The following GAB1 variants were observed in gnomAD, a reference collection of about 807,000 sequenced individuals.
GAB1 encodes the protein GRB2-associated-binding protein 1.
In GAB1, 19 loss-of-function variants were observed where a neutral mutation model predicts 66.5. That is an observed-to-expected ratio of 0.29 (90% CI 0.20 to 0.42). The LOEUF is 0.42. Among genes scored for constraint, GAB1 ranks in the 10% least tolerant of loss-of-function variants. The probability of loss-of-function intolerance (pLI) is 1.00; values close to 1 mark genes in which losing one functional copy is unlikely to be tolerated. For synonymous variants in GAB1, 294 were observed against 301.4 expected (o/e 0.98, Z 0.25); for missense variants, 732 against 858.5 (o/e 0.85, Z 1.84).
chr4:143,347,648 A>C (rs76751725), intron 1 of GAB1, among the ~76,000 whole-genome samples: 161 of 152,354 alleles, frequency 1.1e-3, no homozygotes, highest in African/African-American at 3.7e-3. Flanking sequence ...CACCTTTGAG[A>C]GCTGTGTGCT....
At position 143,336,938 on chromosome 4, in the gene GAB1, G is replaced by C. The variant is rs1408334600; in HGVS notation, c.-251G>C. The C allele has an allele frequency of 1.9e-5, 9 of 475,742 alleles. No homozygotes were observed. The highest frequency in any genetic ancestry group is 3.3e-5 in the Non-Finnish European group (9 of 268,816). The allele number at this position is 475,742 out of a possible 1,614,324, so 29.5% of individuals were successfully genotyped here. On this transcript the variant is annotated 5_prime_UTR_variant, in exon 1 of 10. Transcript: ENST00000262994. ...GCGAGACGGCACGTCTGGAGGCGAG[G>C]CGGGCGCACTGAAAGGAGGCCGGCG...
chr4:143,434,107 T>C (rs963469829), intron 3 of GAB1: 27 of 1,293,950 alleles, frequency 2.1e-5, no homozygotes, highest in Middle Eastern at 2.1e-4. Context: ...ATCTTTTGTT[T>C]CTGAAGAAGG....
At chr4:143,364,833 A>G (rs1175463695) in intron 1 of GAB1, among the ~76,000 whole-genome samples, 1 of 148,516 alleles carries the variant, frequency 6.7e-6, no homozygotes, top group Non-Finnish European at 1.5e-5. Flanking sequence ...GAGTAGAAGC[A>G]GGGGAGACAA....
At chr4:143,453,765 C>T (rs1735046589) in intron 6 of GAB1, among the ~76,000 whole-genome samples, 1 of 152,150 alleles carries the variant, frequency 6.6e-6, no homozygotes, top group African/African-American at 2.4e-5. Flanking sequence ...TCTAGATTCA[C>T]AGAATTTAAA....
At chr4:143,347,697 A>G (rs1019717686) in intron 1 of GAB1, among the ~76,000 whole-genome samples, 11 of 152,246 alleles carry the variant, frequency 7.2e-5, no homozygotes, top group Admixed American at 2.6e-4. Flanking sequence ...TACAAATTAC[A>G]TCATGATCAG....
At chr4:143,468,256 C>T (rs1263927552) in intron 9 of GAB1, among the ~76,000 whole-genome samples, 1 of 142,164 alleles carries the variant, frequency 7.0e-6, no homozygotes, top group Non-Finnish European at 1.5e-5. Flanking sequence ...GCTCTGTTGC[C>T]CAGGCTGCAG....
intron 1 of GAB1, among the ~76,000 whole-genome samples, chr4:143,358,131 C>T (rs1272917624): frequency 2.0e-5 from 3 of 152,068 alleles, no homozygotes; most frequent in Non-Finnish European, 2.9e-5. Flanking sequence ...GTTGTGTGTA[C>T]GTGTGTGTAT....
At position 143,438,465 on chromosome 4, in the gene GAB1, C is replaced by T. The variant is rs1230040130; in HGVS notation, c.1060C>T (p.Arg354Ter). The T allele has an allele frequency of 1.9e-6, 3 of 1,613,920 alleles. No homozygotes were observed. The highest frequency in any genetic ancestry group is 2.5e-6 in the Non-Finnish European group (3 of 1,180,000). The part of the protein sequence containing the change: ...RPPKPHPAHD[R>*]SPVETCSIPR... ...ACCGAAACCACATCCAGCTCATGACCGATCTCCTGTGGAAACGTGTAGTAT... is the reference window on the plus strand; with the variant it reads ...ACCGAAACCACATCCAGCTCATGACTGATCTCCTGTGGAAACGTGTAGTAT... The change falls in exon 4 of 10, where the codon CGA (arginine) becomes TGA (stop). Residue 354 changes from arginine (R) to a stop codon, truncating the protein, a stop_gained. Coordinates refer to ENST00000262994, the MANE Select transcript of GAB1 (RefSeq NM_002039.4). LOFTEE classifies it high-confidence loss of function.
At chr4:143,425,363 T>C in intron 2 of GAB1, 2 of 762,122 alleles carry the variant, frequency 2.6e-6, no homozygotes, top group Non-Finnish European at 2.4e-6. Context: ...ACTTCACTCC[T>C]GGAACCTTCA....
In GAB1 at chr4:143,471,611, C is replaced by A. The variant is rs2149805541; in HGVS notation, c.*2422C>A. On this transcript the variant is annotated 3_prime_UTR_variant, in exon 10 of 10. Transcript: ENST00000262994. Reference sequence around the variant, plus strand: ...GTGGAGTTATACATAGTTGATGAAACCAGCAGCCAATTTATAGCTATGCCC... The same window carrying A: ...GTGGAGTTATACATAGTTGATGAAAACAGCAGCCAATTTATAGCTATGCCC... 1 of 152,220 alleles carries A rather than the reference C, an allele frequency of 6.6e-6. No homozygotes were observed. The highest frequency in any genetic ancestry group is 3.4e-3 in the Middle Eastern group (1 of 294). 9.4% of individuals were successfully genotyped at this position (152,220 alleles called of 1,614,324 possible). A position where few individuals can be genotyped will look rare whatever the true frequency, so the allele number is the denominator to read the frequency against.
At chr4:143,441,638 T>G (rs1734244632) in intron 6 of GAB1, among the ~76,000 whole-genome samples, 1 of 152,214 alleles carries the variant, frequency 6.6e-6, no homozygotes, top group African/African-American at 2.4e-5. Context: ...GCTCTCTCTG[T>G]GCATTTCTGT....
chr4:143,359,835 A>G (rs1729595902), intron 1 of GAB1, among the ~76,000 whole-genome samples: 1 of 152,098 alleles, frequency 6.6e-6, no homozygotes, highest in Non-Finnish European at 1.5e-5. Flanking sequence ...GTTTCTCCCT[A>G]TTGTGTTATA....
intron 6 of GAB1, among the ~76,000 whole-genome samples, chr4:143,454,280 A>G (rs1735072379): frequency 6.6e-6 from 1 of 152,208 alleles, no homozygotes; most frequent in African/African-American, 2.4e-5. Flanking sequence ...AATGTAATTC[A>G]TTGAATAGAA....
chr4:143,399,243 A>C (rs1731622392), intron 1 of GAB1, among the ~76,000 whole-genome samples: 1 of 152,266 alleles, frequency 6.6e-6, no homozygotes, highest in South Asian at 2.1e-4. Context: ...AATATTAAGA[A>C]AGCAATATAC....
At chr4:143,434,012 A>G in intron 3 of GAB1, 4 of 811,240 alleles carry the variant, frequency 4.9e-6, no homozygotes, top group Non-Finnish European at 7.3e-6. Context: ...ACAGACTCAC[A>G]GTATTACTTG....
chr4:143,396,296 CT>C (rs1413811706), intron 1 of GAB1, among the ~76,000 whole-genome samples: 2 of 152,136 alleles, frequency 1.3e-5, no homozygotes, highest in Non-Finnish European at 2.9e-5. Flanking sequence ...TTAACTCACC[CT>C]TTGGAGTGAA....
At chr4:143,367,353 T>C (rs1264976715) in intron 1 of GAB1, among the ~76,000 whole-genome samples, 8 of 152,346 alleles carry the variant, frequency 5.3e-5, no homozygotes, top group East Asian at 3.9e-4. Context: ...GCATTTTCAA[T>C]GTCCCTGGAA....
intron 1 of GAB1, among the ~76,000 whole-genome samples, chr4:143,344,364 G>A (rs1241966861): frequency 1.3e-5 from 2 of 152,100 alleles, no homozygotes; most frequent in East Asian, 1.9e-4. Flanking sequence ...TCAACATGGC[G>A]CCTAATTTCC....
chr4:143,337,787 C>T (rs1017571539), intron 1 of GAB1, among the ~76,000 whole-genome samples: 2 of 152,142 alleles, frequency 1.3e-5, no homozygotes, highest in African/African-American at 4.8e-5. Context: ...TAGAGACAAG[C>T]ATATCGAACG....
Sources: gnomAD v4.1 joint callset for allele counts (sites outside exome capture counted in the v4.1 genomes callset) on GRCh38, gnomAD v4.1.1 for gene constraint, MANE v1.5 for transcripts, NCBI Gene and HGNC (gene_info 2026-07-23, HGNC 2026-07-21) for gene names.